P3H2: variants seen among roughly 807,000 people sequenced by gnomAD.
The protein encoded by P3H2 is leprecan-like 1.
Under a neutral mutation model 87.0 loss-of-function variants are expected in P3H2, and 80 were observed. The observed-to-expected ratio is 0.92, with a 90% CI of 0.77 to 1.11. P3H2 has a LOEUF of 1.11. Ranked by LOEUF, P3H2 falls within the 50% of genes least tolerant of loss-of-function variation. The pLI is 0.00. For synonymous variants in P3H2, 367 were observed against 359.3 expected (o/e 1.02, Z -0.24); for missense variants, 1,001 against 923.9 (o/e 1.08, Z -1.08).
chr3:190,102,932 T>C (rs2108517131), intron 1 of P3H2, among the ~76,000 whole-genome samples: 1 of 152,302 alleles, frequency 6.6e-6, no homozygotes, highest in African/African-American at 2.4e-5. Flanking sequence ...CCACCAACAC[T>C]GAGGAAAGAC....
At chr3:190,107,241 T>C (rs940871806) in intron 1 of P3H2, among the ~76,000 whole-genome samples, 22 of 152,300 alleles carry the variant, frequency 1.4e-4, no homozygotes, top group African/African-American at 5.1e-4. Context: ...ATTTGGATGA[T>C]AGATAGATGA....
chr3:190,011,247 T>C (rs1309640338), intron 1 of P3H2, among the ~76,000 whole-genome samples: 1 of 145,320 alleles, frequency 6.9e-6, no homozygotes, highest in South Asian at 2.2e-4. Flanking sequence ...CACTGCAGCC[T>C]GGCAACAGAG....
intron 10 of P3H2, 155 bp from the exon 11 acceptor site, chr3:189,973,179 T>C (rs1308843112): frequency 1.5e-5 from 10 of 658,020 alleles, no homozygotes; most frequent in Non-Finnish European, 2.6e-5. Flanking sequence ...GGTTAGGACA[T>C]TGTGCCATTG....
intron 1 of P3H2, among the ~76,000 whole-genome samples, chr3:190,112,921 AGAT>A (rs1458859101): frequency 6.6e-6 from 1 of 152,184 alleles, no homozygotes; most frequent in African/African-American, 2.4e-5. Flanking sequence ...TATAGAAGAA[AGAT>A]GAATGGAAAA....
chr3:189,975,176 GTCT>G (rs10540139), intron 8 of P3H2, among the ~76,000 whole-genome samples: 81,141 of 151,696 alleles, frequency 0.53, 22,261 homozygotes, highest in East Asian at 0.8. Flanking sequence ...CTCTGCCTCA[GTCT>G]TCTTCCTACC....
chr3:190,026,510 G>T (rs1349224653), intron 1 of P3H2, among the ~76,000 whole-genome samples: 1 of 152,160 alleles, frequency 6.6e-6, no homozygotes, highest in Non-Finnish European at 1.5e-5. Context: ...TCCCACCAGT[G>T]CTAGGACAGT....
chr3:190,029,375 A>C (rs1337299022), intron 1 of P3H2, among the ~76,000 whole-genome samples: 1 of 152,236 alleles, frequency 6.6e-6, no homozygotes, highest in Non-Finnish European at 1.5e-5. Flanking sequence ...CTATTCTTAA[A>C]TATCATCAAC....
At chr3:189,969,651 T>C (rs1577245370) in intron 13 of P3H2, 1 of 1,211,172 alleles carries the variant, frequency 8.3e-7, no homozygotes, top group East Asian at 2.3e-5. Flanking sequence ...TAGTTGACCT[T>C]GGAAGCCAGG....
Position 189,969,235 on chromosome 3 carries a change from CA to C in P3H2, c.1893+1580del, listed in dbSNP as rs1560340456. 3.9e-6 allele frequency: 3 copies of C among 769,262 alleles called. No homozygotes were observed. The East Asian group carries it at 7.7e-5, about 20-fold the overall frequency. 47.7% of individuals were successfully genotyped at this position (769,262 alleles called of 1,614,324 possible). On this transcript the variant is annotated intron_variant, in intron 13 of 14. Transcript: ENST00000319332. ...TGTCACCATGGCAATACTCGCATAACAAATTCCAGCCTCTTTAGTGAGAACC... is the reference window on the plus strand; with the variant it reads ...TGTCACCATGGCAATACTCGCATAACAATTCCAGCCTCTTTAGTGAGAACC...
At chr3:190,111,111 G>A (rs913077878) in intron 1 of P3H2, among the ~76,000 whole-genome samples, 5 of 152,132 alleles carry the variant, frequency 3.3e-5, no homozygotes, top group African/African-American at 1.2e-4. Flanking sequence ...TTTTCATTAA[G>A]CTAACTGGGA....
chr3:190,055,730 G>A (rs1017225204), intron 1 of P3H2, among the ~76,000 whole-genome samples: 1 of 152,116 alleles, frequency 6.6e-6, no homozygotes, highest in African/African-American at 2.4e-5. Context: ...AAAGAATACA[G>A]AATACAATAT....
chr3:190,026,587 C>T (rs778136180), intron 1 of P3H2, among the ~76,000 whole-genome samples: 2 of 152,210 alleles, frequency 1.3e-5, no homozygotes, highest in Non-Finnish European at 2.9e-5. Context: ...CAGGAATAAT[C>T]CACCCCTTGT....
intron 1 of P3H2, among the ~76,000 whole-genome samples, chr3:190,115,973 T>C (rs528297865): frequency 7.2e-5 from 11 of 152,154 alleles, no homozygotes; most frequent in Non-Finnish European, 1.5e-4. Context: ...ATCATCCAAA[T>C]CTGGGAACCT....
rs779154063 is a variant in P3H2 at position 190,120,307 on chromosome 3, C to T, written c.425G>A (p.Arg142His). The T allele has an allele frequency of 1.3e-5, 21 of 1,608,290 alleles. No individual in the cohort carries two copies. In the East Asian group the frequency reaches 4.2e-4, roughly 33 times the overall value. Residue 142 changes from arginine (R) to histidine (H), a missense_variant, in exon 1 of 15, where the codon CGC (arginine) becomes CAC (histidine). Transcript: ENST00000319332. ...GGGCACTCTGCGCTGGAAGTCGCTG[C>T]GCACATCCTCGCTGACGCGGTGGCG... The part of the protein sequence containing the change: ...ASRHRVSEDV[R>H]SDFQRRVPYN...
chr3:190,050,207 G>A (rs1032891951), intron 1 of P3H2, among the ~76,000 whole-genome samples: 2 of 152,108 alleles, frequency 1.3e-5, no homozygotes, highest in Non-Finnish European at 2.9e-5. Context: ...TCTTTCTTAC[G>A]CTGAACCATA....
In P3H2 at chr3:189,994,176, G is replaced by A. The variant is rs764968920; in HGVS notation, c.741C>T (p.Cys247=). 1 of 1,613,576 alleles carries A rather than the reference G, an allele frequency of 6.2e-7. No individual in the cohort carries two copies. Among genetic ancestry groups the A allele is most frequent in the South Asian group, 1.1e-5 (1 of 91,054 alleles). ...TCTGAGGCCCCTCACATAGGGTCCG[G>A]CATTCTGTATCTTCAACGAAATATT... ...LREYFVEDTE[C]RTLCEGPQRF... Residue 247 remains cysteine (C), a synonymous_variant, in exon 3 of 15, where the codon TGC becomes TGT. Transcript: ENST00000319332.
At chr3:190,017,662 C>A (rs1266861258) in intron 1 of P3H2, among the ~76,000 whole-genome samples, 2 of 152,190 alleles carry the variant, frequency 1.3e-5, no homozygotes, top group African/African-American at 4.8e-5. Context: ...TATGCATGTG[C>A]CGAGTTGCTG....
At chr3:189,960,127 G>A (rs1485197328) in intron 14 of P3H2, among the ~76,000 whole-genome samples, 2 of 151,938 alleles carry the variant, frequency 1.3e-5, no homozygotes, top group African/African-American at 4.8e-5. Flanking sequence ...CCTCTGCCTG[G>A]AATACTCTCC....
chr3:190,069,837 A>T (rs1726635062), intron 1 of P3H2, among the ~76,000 whole-genome samples: 1 of 152,222 alleles, frequency 6.6e-6, no homozygotes, highest in African/African-American at 2.4e-5. Context: ...AACTGGAAAC[A>T]TTTATGAGTG....
Sources: allele counts gnomAD v4.1 joint callset (sites outside exome capture counted in the v4.1 genomes callset), GRCh38; gene constraint gnomAD v4.1.1; transcripts MANE v1.5; gene names NCBI Gene and HGNC (gene_info 2026-07-23, HGNC 2026-07-21).